ZP4: variants seen among roughly 807,000 people sequenced by gnomAD.
The protein encoded by ZP4 is zona pellucida glycoprotein 4.
A neutral mutation model predicts 62.3 loss-of-function variants in ZP4; 62 were observed. The ratio of observed to expected loss-of-function variants is 0.99; its 90% confidence interval spans 0.81 to 1.23. ZP4 has a LOEUF of 1.23. Among genes scored for constraint, ZP4 ranks in the 50% most tolerant of loss-of-function variants. ZP4 has a pLI of 0.00. For synonymous variants in ZP4, 289 were observed against 247.3 expected, an observed-to-expected ratio of 1.17 and a Z score of -1.58; for missense variants, 774 against 656.0, an observed-to-expected ratio of 1.18 and a Z score of -1.97.
intron 3 of ZP4, among the ~76,000 whole-genome samples, chr1:237,889,614 G>A (rs1665189064): frequency 6.6e-6 from 1 of 152,104 alleles, no homozygotes; most frequent in East Asian, 1.9e-4. Context: ...TGCCTGGCCA[G>A]CAGTAGTATT....
At chr1:237,883,384 A>G (rs1558529625) in intron 10 of ZP4, among the ~76,000 whole-genome samples, 3 of 151,414 alleles carry the variant, frequency 2.0e-5, no homozygotes, top group Non-Finnish European at 4.4e-5. Flanking sequence ...GGAGTTTGAG[A>G]CCAGCCCAGG....
rs1418096054 is a variant in ZP4, at chr1:237,884,023, C to CAA, written c.1390+745_1390+746insTT. Reference sequence around the variant, plus strand: ...ACACACACACACACACACAAACACACACACACACAAACACACACAAACACA... The same window carrying CAA: ...ACACACACACACACACACAAACACACAAACACACACAAACACACACAAACACA... On this transcript the variant is annotated intron_variant, in intron 10 of 11. Coordinates refer to ENST00000366570, the MANE Select transcript of ZP4 (RefSeq NM_021186.5). 3.2e-3 allele frequency among the ~76,000 whole-genome samples: 211 copies of CAA among 65,194 alleles called. 4 individuals are homozygous for CAA. Among genetic ancestry groups the CAA allele is most frequent in the African/African-American group, 5.5e-3 (102 of 18,400 alleles). The allele number at this position is 65,194 out of a possible 152,430, so 42.8% of individuals were successfully genotyped here.
At position 237,884,840 on chromosome 1, in the gene ZP4, A is replaced by G; in HGVS notation, c.1319T>C (p.Leu440Pro). Residue 440 changes from leucine (L) to proline (P), a missense_variant, in exon 10 of 12, where the codon CTG becomes CCG. Leu to Pro is a moderately conservative substitution (Grantham distance 98). Coordinates refer to ENST00000366570, the MANE Select transcript of ZP4 (RefSeq NM_021186.5). ...CTGGCAGACTGACACGCTGCAGTGCAGATGCACCTGGGAGCCAACAGAATT... is the reference window on the plus strand; with the variant it reads ...CTGGCAGACTGACACGCTGCAGTGCGGATGCACCTGGGAGCCAACAGAATT... The part of the protein sequence containing the change: ...EKQALRGPVH[L>P]HCSVSVCQPA... The G allele has an allele frequency of 1.2e-6, 2 of 1,613,330 alleles. No individual in the cohort carries two copies. Among genetic ancestry groups the G allele is most frequent in the Non-Finnish European group, 1.7e-6 (2 of 1,179,696 alleles).
At position 237,884,752 on chromosome 1, in the gene ZP4, A is replaced by T; in HGVS notation, c.1390+17T>A. The T allele has an allele frequency of 6.2e-7, 1 of 1,611,290 alleles. No individual in the cohort carries two copies. The highest frequency in any genetic ancestry group is 8.5e-7 in the Non-Finnish European group (1 of 1,178,446). On this transcript the variant is annotated intron_variant, in intron 10 of 11. Transcript: ENST00000366570. ...AAGATTCATTCAAATCTGTCCTCTA[A>T]CAGCTTGGTTACTCACGACTGAGAT...
chr1:237,883,998 ACAC>A (rs1558530858), intron 10 of ZP4, among the ~76,000 whole-genome samples: 5 of 82,316 alleles, frequency 6.1e-5, no homozygotes, highest in African/African-American at 2.6e-4. Context: ...ACACACACAC[ACAC>A]ACACACACAC....
chr1:237,887,818 G>A (rs949931567), intron 4 of ZP4, among the ~76,000 whole-genome samples: 5 of 152,210 alleles, frequency 3.3e-5, no homozygotes, highest in Non-Finnish European at 5.9e-5. Context: ...CATGTGTTAA[G>A]AGGGGGATAG....
At chr1:237,884,047 C>CAA (rs1558531265) in intron 10 of ZP4, among the ~76,000 whole-genome samples, 4 of 135,208 alleles carry the variant, frequency 3.0e-5, no homozygotes, top group African/African-American at 1.4e-4. Context: ...CACACAAACA[C>CAA]ACACAAACAC....
chr1:237,885,203 C>A lies in ZP4; in HGVS notation c.1273G>T (p.Val425Leu), dbSNP rs1479533168. Residue 425 changes from valine (V) to leucine (L), a missense_variant, in exon 9 of 12, where the codon GTG becomes TTG. By Grantham distance (32) the Val-to-Leu change is conservative. Transcript: ENST00000366570. ...QRFSIFTFSF[V>L]NPTVEKQALR... ...GCCTGTTTCTCCACTGTAGGGTTCA[C>A]AAAGCTGAAGGTGAAGATGCTGAAG... is the stretch of plus-strand genomic sequence containing the variant. 1 of 1,614,000 alleles carries A rather than the reference C, an allele frequency of 6.2e-7. No homozygotes were observed. Among genetic ancestry groups the A allele is most frequent in the Non-Finnish European group, 8.5e-7 (1 of 1,180,020 alleles).
chr1:237,885,110 T>A, intron 9 of ZP4, 55 bp downstream of exon 9: 1 of 1,587,566 alleles, frequency 6.3e-7, no homozygotes, highest in African/African-American at 1.4e-5. Flanking sequence ...TGGAAACAGT[T>A]GTAAGTTGGG....
rs370349334 is a variant in ZP4, at chr1:237,885,381, A to G, written c.1160+10T>C. 2.3e-5 allele frequency: 37 copies of G among 1,610,816 alleles called. No homozygotes were observed. The highest frequency in any genetic ancestry group is 3.1e-5 in the Non-Finnish European group (37 of 1,178,352). ...GAATTTCAGCACAGGTGTATGAAAG[A>G]ACCACTTACCCCTTTACCAGGATGG... On this transcript the variant is annotated intron_variant, in intron 8 of 11. Transcript: ENST00000366570.
chr1:237,887,701 C>T, intron 4 of ZP4, 140 bp from the exon 5 acceptor site: 1 of 799,940 alleles, frequency 1.3e-6, no homozygotes, highest in Non-Finnish European at 2.0e-6. Flanking sequence ...AGTGCAAGAT[C>T]AACCAACCAC....
Position 237,885,821 on chromosome 1 carries a change from G to A in ZP4, c.905C>T (p.Thr302Ile), listed in dbSNP as rs571624979. 6 of 1,614,176 alleles carry A rather than the reference G, an allele frequency of 3.7e-6. No individual in the cohort carries two copies. The highest frequency in any genetic ancestry group is 1.7e-5 in the Admixed American group (1 of 60,014). Residue 302 changes from threonine to isoleucine, a missense_variant, in exon 7 of 12, where the codon ACT (threonine) becomes ATT (isoleucine). Transcript: ENST00000366570. ...GGTCTCAGGAAAGGGTGGTGGGAGA[G>A]TGAAAACCTGGACATTGATTGGGAG... ...NSLPINVQVF[T>I]LPPPFPETQP...
Position 237,886,808 on chromosome 1 carries a change from C to T in ZP4, c.802G>A (p.Gly268Arg). Residue 268 changes from glycine (G) to arginine (R), a missense_variant, in exon 6 of 12, where the codon GGG becomes AGG. Gly to Arg is a moderately radical substitution (Grantham distance 125, BLOSUM62 -2). Coordinates refer to ENST00000366570, the MANE Select transcript of ZP4 (RefSeq NM_021186.5). The part of the protein sequence containing the change: ...ELVATRDVKN[G>R]SRGSVTRDSI... Reference sequence around the variant, plus strand: ...TCACGAGTGACAGAGCCACGGCTCCCATTTTTCACATCCCTAGTTGCCACC... The same window carrying T: ...TCACGAGTGACAGAGCCACGGCTCCTATTTTTCACATCCCTAGTTGCCACC... 3.1e-6 allele frequency: 5 copies of T among 1,614,102 alleles called. No individual in the cohort carries two copies. Among genetic ancestry groups the T allele is most frequent in the Non-Finnish European group, 4.2e-6 (5 of 1,180,012 alleles).
At chr1:237,888,269 T>TAGCAGGG (rs1253654915) in intron 4 of ZP4, 89 bp downstream of exon 4, 1 of 1,373,448 alleles carries the variant, frequency 7.3e-7, no homozygotes, top group African/African-American at 1.4e-5. Context: ...TATCACTTGA[T>TAGCAGGG]GTTTGCCTTC....
At chr1:237,886,739 C>T in intron 6 of ZP4, 32 bp downstream of exon 6, 1 of 1,574,980 alleles carries the variant, frequency 6.3e-7, no homozygotes, top group Non-Finnish European at 8.7e-7. Context: ...CACCTTATGG[C>T]AGATGGGAAG....
intron 10 of ZP4, among the ~76,000 whole-genome samples, chr1:237,884,033 A>AACACACACACACACAAACACAC (rs1300435485): frequency 2.5e-5 from 2 of 80,530 alleles, no homozygotes; most frequent in Non-Finnish European, 2.5e-5. Flanking sequence ...CACACACACA[A>AACACACACACACACAAACACAC]ACACACACAA....
Position 237,882,559 on chromosome 1 carries a change from G to A in ZP4, c.1496-10C>T. Reference sequence around the variant, plus strand: ...GAGTCTACAGGAACACCTGGAGGATGGATGGAAAGGTAGGTTAATGTATGC... The same window carrying A: ...GAGTCTACAGGAACACCTGGAGGATAGATGGAAAGGTAGGTTAATGTATGC... On this transcript the variant is annotated splice_polypyrimidine_tract_variant and intron_variant, in intron 11 of 11. Transcript: ENST00000366570. 1 of 1,590,048 alleles carries A rather than the reference G, an allele frequency of 6.3e-7. No individual in the cohort carries two copies.
Position 237,887,442 on chromosome 1 carries a change from G to C in ZP4, c.673C>G (p.Pro225Ala), listed in dbSNP as rs372336369. The C allele has an allele frequency of 2.5e-5, 40 of 1,614,072 alleles. No homozygotes were observed. Among genetic ancestry groups the C allele is most frequent in the Non-Finnish European group, 3.1e-5 (37 of 1,180,048 alleles). The change falls in exon 5 of 12, where the codon CCT becomes GCT. Residue 225 changes from proline to alanine, a missense_variant. By Grantham distance (27) the Pro-to-Ala change is conservative (BLOSUM62 -1). Coordinates refer to ENST00000366570, the MANE Select transcript of ZP4 (RefSeq NM_021186.5). ...LALRNDSACNPVMATQAFVLF... is the reference protein window; with the variant it reads ...LALRNDSACNAVMATQAFVLF... ...ACAAAAGCTTGTGTTGCCATCACAG[G>C]GTTACACGCACTGTCATTCCTAAGG...
In ZP4 at chr1:237,884,013, CACAA is replaced by C. The variant is rs1481888184; in HGVS notation, c.1390+752_1390+755del. 9.6e-3 allele frequency among the ~76,000 whole-genome samples: 769 copies of C among 80,326 alleles called. 24 individuals are homozygous for C. Among genetic ancestry groups the C allele is most frequent in the African/African-American group, 0.023 (407 of 17,532 alleles). The allele number at this position is 80,326 out of a possible 152,430, so 52.7% of individuals were successfully genotyped here. ...ACACACACACACACACACACACACA[CACAA>C]ACACACACACACACAAACACACACA... On this transcript the variant is annotated intron_variant, in intron 10 of 11. Transcript: ENST00000366570.
Sources: allele counts gnomAD v4.1 joint callset (sites outside exome capture counted in the v4.1 genomes callset), GRCh38; gene constraint gnomAD v4.1.1; transcripts MANE v1.5; gene names NCBI Gene and HGNC (gene_info 2026-07-23, HGNC 2026-07-21).